BRWD3: variants seen among roughly 807,000 people sequenced by gnomAD.
BRWD3 encodes bromodomain and WD repeat domain containing 3.
BRWD3 carries 10 observed loss-of-function variants against 149.7 expected under a neutral mutation model. The observed-to-expected ratio is 0.07, with a 90% CI of 0.04 to 0.11. The LOEUF is 0.11. BRWD3 is among the 10% of genes least tolerant of loss of function. BRWD3 has a pLI of 1.00. For synonymous variants in BRWD3, 504 were observed against 456.7 expected (o/e 1.10, Z -1.32); for missense variants, 940 against 1,373.2 (o/e 0.68, Z 4.99).
chrX:80,679,746 G>T (rs2072419149), intron 40 of BRWD3, among the ~76,000 whole-genome samples: 1 of 108,838 alleles, frequency 9.2e-6, no homozygotes, highest in Non-Finnish European at 1.9e-5. Flanking sequence ...ACTAAAAAAA[G>T]ACGCTAGTTG....
chrX:80,686,676 T>C (rs931689538), intron 35 of BRWD3, among the ~76,000 whole-genome samples, 187 bp downstream of exon 35: 5 of 111,037 alleles, frequency 4.5e-5, no homozygotes, highest in African/African-American at 1.6e-4. Flanking sequence ...ACTGTATAAT[T>C]TACACACTGA....
rs749210580 is a variant in BRWD3, at chrX:80,685,576, A to G, written c.4006-40T>C. The stretch of plus-strand genomic sequence containing the variant: ...AACATATACTGGTTTCCAGACAACT[A>G]TAACAAAATATCAAGACGTGTAATA... On this transcript the variant is annotated intron_variant, in intron 35 of 40. Transcript: ENST00000373275. 15 of 1,008,098 alleles carry G rather than the reference A, an allele frequency of 1.5e-5. No individual in the cohort carries two copies. The East Asian group carries it at 3.4e-4, about 23-fold the overall frequency. The allele number at this position is 1,008,098 out of a possible 1,213,427, so 83.1% of individuals were successfully genotyped here.
chrX:80,761,087 T>C (rs1387306695), intron 6 of BRWD3, among the ~76,000 whole-genome samples: 1 of 110,966 alleles, frequency 9.0e-6, no homozygotes, highest in South Asian at 3.8e-4. Flanking sequence ...CCCTCAATAT[T>C]AACTGGTGAT....
At chrX:80,701,676 T>C (rs780782336) in intron 24 of BRWD3, among the ~76,000 whole-genome samples, 29 of 109,655 alleles carry the variant, frequency 2.6e-4, no homozygotes, top group African/African-American at 9.3e-4. Context: ...TAGGTCAGAA[T>C]TTCTAATAGC....
At chrX:80,742,668 G>T (rs1390799178) in intron 8 of BRWD3, among the ~76,000 whole-genome samples, 4 of 110,195 alleles carry the variant, frequency 3.6e-5, no homozygotes, top group African/African-American at 1.3e-4. Context: ...AATTGTGAAT[G>T]GGAGTTTACT....
chrX:80,704,866 A>G lies in BRWD3; in HGVS notation c.2553-20T>C. On this transcript the variant is annotated intron_variant, in intron 22 of 40. Coordinates refer to ENST00000373275, the MANE Select transcript of BRWD3 (RefSeq NM_153252.5). The stretch of plus-strand genomic sequence containing the variant: ...GAGTCACTGTAAATAAATCAAAATT[A>G]TGGATACCTAAGTATAGAAAAGGAG... The G allele has an allele frequency of 1.7e-6, 2 of 1,170,376 alleles. No homozygotes were observed. The highest frequency in any genetic ancestry group is 1.2e-6 in the Non-Finnish European group (1 of 858,330).
At chrX:80,773,100 T>C (rs1396945083) in intron 6 of BRWD3, among the ~76,000 whole-genome samples, 4 of 112,194 alleles carry the variant, frequency 3.6e-5, no homozygotes, top group South Asian at 3.7e-4. Context: ...GGGAAGCCGA[T>C]GTGGTTATAA....
chrX:80,753,727 T>C (rs2073702136), intron 6 of BRWD3, among the ~76,000 whole-genome samples: 1 of 112,239 alleles, frequency 8.9e-6, no homozygotes, highest in Admixed American at 9.5e-5. Flanking sequence ...TCCAGTTTTA[T>C]TCTGCTGCAT....
chrX:80,801,375 C>T (rs918678462), intron 4 of BRWD3, among the ~76,000 whole-genome samples: 6 of 106,335 alleles, frequency 5.6e-5, no homozygotes, highest in East Asian at 3.1e-4. Flanking sequence ...CGCCTGCCAC[C>T]GCGCCTAATT....
intron 6 of BRWD3, among the ~76,000 whole-genome samples, chrX:80,786,723 C>G (rs777374299): frequency 2.7e-5 from 3 of 111,336 alleles, no homozygotes; most frequent in African/African-American, 9.8e-5. Flanking sequence ...CCATGTTAGC[C>G]AACCTGGTCT....
chrX:80,688,208 G>T, intron 33 of BRWD3, 83 bp from the exon 34 acceptor site: 1 of 811,168 alleles, frequency 1.2e-6, no homozygotes, highest in Non-Finnish European at 1.9e-6. Flanking sequence ...CAAATAAACG[G>T]GAAATAAAAT....
At chrX:80,701,885 T>C (rs1397608364) in intron 24 of BRWD3, among the ~76,000 whole-genome samples, 2 of 110,852 alleles carry the variant, frequency 1.8e-5, no homozygotes, top group African/African-American at 6.6e-5. Context: ...CTCTAGGATA[T>C]GGAAACTCAT....
chrX:80,808,934 G>T (rs2074380054), intron 3 of BRWD3, 79 bp downstream of exon 3: 33 of 1,077,485 alleles, frequency 3.1e-5, no homozygotes, highest in Non-Finnish European at 4.0e-5. Context: ...ATCCCAGCCC[G>T]TCTTCCGCCC....
In BRWD3 at chrX:80,692,980, G is replaced by T; in HGVS notation, c.3223C>A (p.Pro1075Thr). 1 of 1,210,994 alleles carries T rather than the reference G, an allele frequency of 8.3e-7. No homozygotes were observed. The highest frequency in any genetic ancestry group is 1.1e-6 in the Non-Finnish European group (1 of 894,769). ...TGGAAAGAACTATCAGGATACTCTGGTTGAAAAGGCTGCTGACTCTCCACA... is the reference window on the plus strand; with the variant it reads ...TGGAAAGAACTATCAGGATACTCTGTTTGAAAAGGCTGCTGACTCTCCACA... ...GTVESQQPFQ[P>T]EYPDSSFQCY... The change falls in exon 28 of 41, where the codon CCA becomes ACA. Residue 1075 changes from proline to threonine, a missense_variant. Around this residue, in one of 6 missense-constraint regions of BRWD3, gnomAD observed 158 missense variants for 284.0 expected, o/e 0.56. Transcript: ENST00000373275.
At chrX:80,748,612 GTCTTT>G (rs900490065) in intron 6 of BRWD3, among the ~76,000 whole-genome samples, 11 of 111,418 alleles carry the variant, frequency 9.9e-5, no homozygotes, top group Admixed American at 3.8e-4. Context: ...CTGATTCTGA[GTCTTT>G]TCTTTTGTTT....
intron 14 of BRWD3, among the ~76,000 whole-genome samples, chrX:80,726,229 G>C (rs1236032269): frequency 7.0e-5 from 7 of 99,616 alleles, no homozygotes; most frequent in Non-Finnish European, 1.2e-4. Flanking sequence ...CATATAACAC[G>C]TTTACATGTT....
rs1018598594 is a variant in BRWD3, at chrX:80,670,949, C to T, written c.*5660G>A. On this transcript the variant is annotated 3_prime_UTR_variant, in exon 41 of 41. Transcript: ENST00000373275. ...TCCAGTCTTTGGCCAGCTTATTTAT[C>T]TTGAACCTAGTGGAATGTTTGCCAC... 2 of 110,850 alleles carry T rather than the reference C, an allele frequency of 1.8e-5. No individual in the cohort carries two copies. The highest frequency in any genetic ancestry group is 6.6e-5 in the African/African-American group (2 of 30,425). 9.1% of individuals were successfully genotyped at this position (110,850 alleles called of 1,213,427 possible). A position where few individuals can be genotyped will look rare whatever the true frequency, so the allele number is the denominator to read the frequency against.
At chrX:80,782,078 G>A (rs2074063098) in intron 6 of BRWD3, among the ~76,000 whole-genome samples, 1 of 111,186 alleles carries the variant, frequency 9.0e-6, no homozygotes, top group South Asian at 3.8e-4. Context: ...AATAAAACTG[G>A]AGAAATCACT....
At position 80,797,738 on chromosome X, in the gene BRWD3, T is replaced by C. The variant is rs183288655; in HGVS notation, c.181-3966A>G. Among the ~76,000 whole-genome samples the C allele has an allele frequency of 2.0e-3, 220 of 111,830 alleles. 1 individual carries two copies. Among genetic ancestry groups the C allele is most frequent in the East Asian group, 9.5e-3 (34 of 3,582 alleles). ...CAAGTTTGACTTTCACTCTATACAATAGAAAATTGCTCGATTTCTAAGCAG... is the reference window on the plus strand; with the variant it reads ...CAAGTTTGACTTTCACTCTATACAACAGAAAATTGCTCGATTTCTAAGCAG... On this transcript the variant is annotated intron_variant, in intron 4 of 40. Transcript: ENST00000373275.
Sources: allele counts gnomAD v4.1 joint callset (sites outside exome capture counted in the v4.1 genomes callset), GRCh38; gene constraint gnomAD v4.1.1; regional missense constraint gnomAD v4.1.1; transcripts MANE v1.5; gene names NCBI Gene and HGNC (gene_info 2026-07-23, HGNC 2026-07-21).